C4orf50: variants seen among roughly 807,000 people sequenced by gnomAD.
C4orf50 encodes the protein uncharacterized protein C4orf50.
C4orf50 carries 80 observed loss-of-function variants against 77.2 expected under a neutral mutation model. The ratio of observed to expected loss-of-function variants is 1.04; its 90% CI spans 0.87 to 1.25. The LOEUF (loss-of-function observed/expected upper bound fraction) is 1.25, where lower values mean the gene tolerates loss of function less well. Among genes scored for constraint, C4orf50 ranks in the 50% most tolerant of loss-of-function variants. The probability of loss-of-function intolerance (pLI) is 0.00; values close to 1 mark genes in which losing one functional copy is unlikely to be tolerated. For synonymous variants in C4orf50, 532 were observed against 465.3 expected (o/e 1.14, Z -1.84); for missense variants, 1,257 against 1,152.9 (o/e 1.09, Z -1.31).
intron 7 of C4orf50, among the ~76,000 whole-genome samples, chr4:5,942,813 G>A (rs1156916317): frequency 1.3e-5 from 2 of 152,150 alleles, no homozygotes; most frequent in Admixed American, 6.5e-5. Context: ...TGTTGAATGA[G>A]AAATGCTTTA....
chr4:6,002,157 T>C lies in C4orf50; in HGVS notation c.963+5839A>G, dbSNP rs375214112. ...AGGCTGGGTCCTAATCCAATAAAGA[T>C]CTGGTGTCCAGATAAGAAGAGAAGA... On this transcript the variant is annotated intron_variant, in intron 25 of 33. Transcript: ENST00000531445. Among the ~76,000 whole-genome samples, 5 of 152,186 alleles carry C rather than the reference T, an allele frequency of 3.3e-5. No individual in the cohort carries two copies. In the East Asian group the frequency reaches 9.7e-4, roughly 29 times the overall value.
At chr4:5,976,807 T>C (rs1225933250) in intron 29 of C4orf50, among the ~76,000 whole-genome samples, 2 of 152,258 alleles carry the variant, frequency 1.3e-5, no homozygotes, top group Non-Finnish European at 2.9e-5. Context: ...CTAATGTTAC[T>C]ATTAGGCGCA....
Position 5,989,070 on chromosome 4 carries a change from T to C in C4orf50, c.2976A>G (p.Glu992=). Residue 992 remains glutamate, a synonymous_variant, in exon 28 of 34, where the codon GAA becomes GAG. Coordinates refer to ENST00000531445, the Ensembl canonical transcript of C4orf50. Reference sequence around the variant, plus strand: ...AGATTGCCTGTAAATATTGATCCAGTTCTTTCTTTAACTGAGAGATGTCCC... The same window carrying C: ...AGATTGCCTGTAAATATTGATCCAGCTCTTTCTTTAACTGAGAGATGTCCC... 2.0e-6 allele frequency: 3 copies of C among 1,536,040 alleles called. No individual in the cohort carries two copies. In the African/African-American group the frequency reaches 4.1e-5, roughly 21 times the overall value.
intron 28 of C4orf50, among the ~76,000 whole-genome samples, chr4:5,982,023 C>A (rs918000093): frequency 6.6e-6 from 1 of 151,826 alleles, no homozygotes; most frequent in Admixed American, 6.6e-5. Flanking sequence ...GGGCATCTCT[C>A]ATAATAAAAT....
chr4:5,982,937 G>A (rs1472912469), intron 28 of C4orf50, among the ~76,000 whole-genome samples: 1 of 152,180 alleles, frequency 6.6e-6, no homozygotes, highest in Non-Finnish European at 1.5e-5. Flanking sequence ...AGCAGCAACA[G>A]TGGAAGCTCC....
chr4:5,948,405 C>A (rs772319581), intron 7 of C4orf50, among the ~76,000 whole-genome samples: 2 of 152,188 alleles, frequency 1.3e-5, no homozygotes, highest in South Asian at 4.1e-4. Context: ...TGGCTTACGC[C>A]TGTAATATCC....
chr4:5,972,836 T>A (rs191644260), intron 31 of C4orf50, among the ~76,000 whole-genome samples: 1 of 152,240 alleles, frequency 6.6e-6, no homozygotes, highest in East Asian at 1.9e-4. Flanking sequence ...CGGGGCTGCA[T>A]GTATATGTGT....
chr4:6,006,256 G>C (rs1318106891), intron 25 of C4orf50, among the ~76,000 whole-genome samples: 4 of 152,156 alleles, frequency 2.6e-5, no homozygotes, highest in Non-Finnish European at 4.4e-5. Flanking sequence ...CAGGTTTAAA[G>C]ATAAATTTTA....
chr4:6,017,164 C>T lies in C4orf50; in HGVS notation c.287+981G>A, dbSNP rs4689318. On this transcript the variant is annotated intron_variant, in intron 23 of 33. Coordinates refer to ENST00000531445, the Ensembl canonical transcript of C4orf50. The surrounding 1 kb of genome is among the most constrained non-coding windows in gnomAD (Gnocchi z 4.7). ...CAGCAGGAAGTTCTACAGAGAGAAA[C>T]GAATGCGGAGAACCTATTTCAAAGA... 0.74 allele frequency among the ~76,000 whole-genome samples: 113,042 copies of T among 152,190 alleles called. 42,381 individuals are homozygous for T. Among genetic ancestry groups the T allele is most frequent in the East Asian group, 0.99 (5,132 of 5,170 alleles).
At chr4:5,989,781 C>T in exon 28 of C4orf50, 1 of 1,523,200 alleles carries the variant, frequency 6.6e-7, no homozygotes, top group Non-Finnish European at 8.8e-7. Flanking sequence ...TTTCCTTGCT[C>T]TCATGTTCCT....
At chr4:5,929,980 G>A (rs114622043) in intron 7 of C4orf50, among the ~76,000 whole-genome samples, 5,561 of 152,308 alleles carry the variant, frequency 0.037, 136 homozygotes, top group African/African-American at 0.068. Context: ...ATAGGTTTAT[G>A]CCCTCGTGAA....
At chr4:5,957,102 T>C (rs1719002587), downstream of C4orf50, 1 of 152,222 alleles carries the variant, frequency 6.6e-6, no homozygotes, top group Non-Finnish European at 1.5e-5. Context: ...CCCGGGAGAA[T>C]AAGTGGCTCT....
chr4:6,002,592 C>G (rs1489702807), intron 25 of C4orf50, among the ~76,000 whole-genome samples: 1 of 152,210 alleles, frequency 6.6e-6, no homozygotes, highest in East Asian at 1.9e-4. Context: ...GTCCCTAGGC[C>G]TGTGGCTGGC....
At chr4:5,989,204 G>T (rs953675421) in exon 28 of C4orf50, 2 of 1,536,042 alleles carry the variant, frequency 1.3e-6, no homozygotes, top group East Asian at 4.9e-5. Flanking sequence ...TGGTCTCCGT[G>T]AAGTTTGGTG....
downstream of C4orf50, among the ~76,000 whole-genome samples, chr4:5,954,254 G>T (rs747824746): frequency 6.6e-6 from 1 of 152,098 alleles, no homozygotes; most frequent in African/African-American, 2.4e-5. The surrounding 1 kb of genome is among the most constrained non-coding windows in gnomAD (Gnocchi z 4.7). Flanking sequence ...CTGGGGGTGG[G>T]GTATTGATCT....
intron 7 of C4orf50, among the ~76,000 whole-genome samples, chr4:5,940,036 C>T (rs1214633773): frequency 6.6e-6 from 1 of 152,248 alleles, no homozygotes; most frequent in East Asian, 1.9e-4. Context: ...GCATGAAGCT[C>T]AGTTGCACAT....
chr4:5,938,480 A>C (rs1718127296), intron 7 of C4orf50, among the ~76,000 whole-genome samples: 1 of 152,150 alleles, frequency 6.6e-6, no homozygotes, highest in African/African-American at 2.4e-5. Context: ...CCTCTGATCT[A>C]AGGAGGTGGC....
intron 29 of C4orf50, among the ~76,000 whole-genome samples, chr4:5,977,224 A>C (rs1446930794): frequency 6.6e-6 from 1 of 152,184 alleles, no homozygotes; most frequent in African/African-American, 2.4e-5. Context: ...GCCGAGTCCT[A>C]TCTGAATTCT....
At chr4:5,993,044 C>G in intron 26 of C4orf50, 114 bp from the exon 5 acceptor site, 2 of 396,542 alleles carry the variant, frequency 5.0e-6, no homozygotes, top group Non-Finnish European at 8.9e-6. Flanking sequence ...CCCCCACCCC[C>G]GACTGTGAGC....
Sources: allele counts gnomAD v4.1 joint callset (sites outside exome capture counted in the v4.1 genomes callset), GRCh38; gene constraint gnomAD v4.1.1; non-coding constraint Gnocchi (gnomAD v3.1); transcripts MANE v1.5; gene names NCBI Gene and HGNC (gene_info 2026-07-23, HGNC 2026-07-21).